PRKD1: variants seen among roughly 807,000 people sequenced by gnomAD.
PRKD1 encodes the protein serine/threonine-protein kinase D1.
PRKD1 carries 63 observed loss-of-function variants against 95.9 expected under a neutral mutation model. The observed-to-expected ratio is 0.66, with a 90% CI of 0.54 to 0.81. PRKD1 has a LOEUF of 0.81. Ranked by LOEUF, PRKD1 falls within the 30% of genes least tolerant of loss-of-function variation. The pLI is 0.00. For synonymous variants in PRKD1, 425 were observed against 423.1 expected, an observed-to-expected ratio of 1.00 and a Z score of -0.05; for missense variants, 1,048 against 1,165.3, an observed-to-expected ratio of 0.90 and a Z score of 1.47.
At chr14:29,680,238 C>T (rs1381300777) in intron 2 of PRKD1, among the ~76,000 whole-genome samples, 1 of 151,994 alleles carries the variant, frequency 6.6e-6, no homozygotes, top group Admixed American at 6.6e-5. Context: ...AAATAATAAC[C>T]CCCATTGTAC....
intron 2 of PRKD1, among the ~76,000 whole-genome samples, chr14:29,704,446 A>T (rs1174094149): frequency 6.6e-6 from 1 of 152,152 alleles, no homozygotes; most frequent in Non-Finnish European, 1.5e-5. Context: ...ACAACACATT[A>T]CTATCCTACT....
At chr14:29,912,092 C>T (rs889293567) in intron 1 of PRKD1, among the ~76,000 whole-genome samples, 6 of 152,128 alleles carry the variant, frequency 3.9e-5, no homozygotes, top group African/African-American at 1.4e-4. Context: ...CCTGTCTGAC[C>T]TAGTTAGGAG....
intron 1 of PRKD1, among the ~76,000 whole-genome samples, chr14:29,829,537 C>A (rs11626450): frequency 6.6e-6 from 1 of 152,116 alleles, no homozygotes; most frequent in South Asian, 2.1e-4. Flanking sequence ...AATGAAATTT[C>A]TAATGCAGAG....
chr14:29,662,114 C>T (rs1050738378), intron 4 of PRKD1, among the ~76,000 whole-genome samples: 21 of 151,824 alleles, frequency 1.4e-4, no homozygotes, highest in Admixed American at 1.3e-3. Flanking sequence ...CACAAAAATC[C>T]GTGTTAAATT....
rs61979991 is a variant in PRKD1 at position 29,927,839 on chromosome 14, C to G, written c.-327G>C. ...CTGCCGCCTGGCGCGCTCGGAAGGA[C>G]GGGGCGACGGGTCGGCGCGGCCCGA... is the stretch of plus-strand genomic sequence containing the variant. On this transcript the variant is annotated 5_prime_UTR_variant, in exon 1 of 18. Transcript: ENST00000331968. 0.095 allele frequency: 12,504 copies of G among 131,134 alleles called. 605 individuals carry two copies. Among genetic ancestry groups the G allele is most frequent in the Non-Finnish European group, 0.12 (7,372 of 63,704 alleles). 8.1% of individuals were successfully genotyped at this position (131,134 alleles called of 1,614,324 possible). A position where few individuals can be genotyped will look rare whatever the true frequency, so the allele number is the denominator to read the frequency against.
rs1238798173 is a variant in PRKD1, at chr14:29,826,824, TATATATATATATATACACAC to T, written c.264+100405_264+100424del. On this transcript the variant is annotated intron_variant, in intron 1 of 17. Coordinates refer to ENST00000331968, the MANE Select transcript of PRKD1 (RefSeq NM_002742.3). ...ATACACATATATATACACATATATA[TATATATATATATATACACAC>T]ATATATATATATATATATATATATA... is the stretch of plus-strand genomic sequence containing the variant. Among the ~76,000 whole-genome samples the T allele has an allele frequency of 7.7e-3, 224 of 29,154 alleles. 24 individuals are homozygous for T. The highest frequency in any genetic ancestry group is 0.036 in the Admixed American group (74 of 2,032). The allele number at this position is 29,154 out of a possible 152,430, so 19.1% of individuals were successfully genotyped here.
rs201650185 is a variant in PRKD1, at chr14:29,666,081, A to G, written c.531T>C (p.Cys177=). 13 of 1,580,684 alleles carry G rather than the reference A, an allele frequency of 8.2e-6. No individual in the cohort carries two copies. The highest frequency in any genetic ancestry group is 1.1e-5 in the Non-Finnish European group (13 of 1,157,400). The change falls in exon 3 of 18, where the codon TGT becomes TGC. Residue 177 remains cysteine, a synonymous_variant. Coordinates refer to ENST00000331968, the MANE Select transcript of PRKD1 (RefSeq NM_002742.3). The part of the protein sequence containing the change: ...LWGLVRQGLK[C]EGCGLNYHKR... The stretch of plus-strand genomic sequence containing the variant: ...CATGGGAAGAAAATAACTTACCTTC[A>G]CATTTAAGACCTTGACGTACCAGCC...
At chr14:29,768,172 A>G (rs1202787059) in intron 1 of PRKD1, among the ~76,000 whole-genome samples, 1 of 152,214 alleles carries the variant, frequency 6.6e-6, no homozygotes, top group Non-Finnish European at 1.5e-5. Context: ...GGTTAATTTC[A>G]CAACTATAAG....
chr14:29,917,336 T>C (rs1359033650), intron 1 of PRKD1, among the ~76,000 whole-genome samples: 1 of 152,204 alleles, frequency 6.6e-6, no homozygotes, highest in Admixed American at 6.5e-5. Context: ...TTTAAAAACT[T>C]TTATTAACAC....
intron 2 of PRKD1, among the ~76,000 whole-genome samples, chr14:29,683,266 C>T (rs750394786): frequency 1.3e-5 from 2 of 151,992 alleles, no homozygotes; most frequent in Non-Finnish European, 2.9e-5. Flanking sequence ...ATTAATATGG[C>T]GAGAATTGAA....
chr14:29,645,962 TAC>T (rs1566510437), intron 4 of PRKD1, among the ~76,000 whole-genome samples: 1 of 152,196 alleles, frequency 6.6e-6, no homozygotes, highest in Non-Finnish European at 1.5e-5. Context: ...ACTGGATTTT[TAC>T]TGTCTCCCTT....
At chr14:29,851,667 A>G (rs1364474224) in intron 1 of PRKD1, among the ~76,000 whole-genome samples, 2 of 152,220 alleles carry the variant, frequency 1.3e-5, no homozygotes, top group African/African-American at 4.8e-5. Flanking sequence ...TGTGGAAAGC[A>G]GTTTGGAGAC....
At chr14:29,766,560 T>C (rs1168318290) in intron 1 of PRKD1, among the ~76,000 whole-genome samples, 1 of 152,236 alleles carries the variant, frequency 6.6e-6, no homozygotes. Context: ...ATCAATGCCA[T>C]GGTCACATAA....
intron 1 of PRKD1, among the ~76,000 whole-genome samples, chr14:29,898,310 T>C (rs529172458): frequency 2.0e-5 from 3 of 152,132 alleles, no homozygotes; most frequent in Non-Finnish European, 4.4e-5. Flanking sequence ...TTAAAAAGAA[T>C]ACTTTTTTTA....
At chr14:29,747,868 C>T (rs1278517492) in intron 1 of PRKD1, among the ~76,000 whole-genome samples, 1 of 151,980 alleles carries the variant, frequency 6.6e-6, no homozygotes, top group African/African-American at 2.4e-5. Flanking sequence ...CTCTGCCTAC[C>T]GAGCAGCTGG....
intron 4 of PRKD1, 81 bp from the exon 5 acceptor site, chr14:29,638,985 T>C: frequency 9.5e-7 from 1 of 1,052,864 alleles, no homozygotes; most frequent in Non-Finnish European, 1.4e-6. Flanking sequence ...AGATACCGGT[T>C]TACTCTTGTA....
chr14:29,802,231 T>C (rs1012589969), intron 1 of PRKD1, among the ~76,000 whole-genome samples: 1 of 151,704 alleles, frequency 6.6e-6, no homozygotes, highest in African/African-American at 2.4e-5. Flanking sequence ...GAATAAGTAA[T>C]AGTCCCAGCT....
chr14:29,582,088 C>A (rs1892774111), intron 16 of PRKD1, among the ~76,000 whole-genome samples: 1 of 151,904 alleles, frequency 6.6e-6, no homozygotes, highest in Non-Finnish European at 1.5e-5. Flanking sequence ...CTCATTCTAC[C>A]AATCTGGTAA....
chr14:29,771,895 T>G (rs977603014), intron 1 of PRKD1, among the ~76,000 whole-genome samples: 1 of 152,252 alleles, frequency 6.6e-6, no homozygotes, highest in Non-Finnish European at 1.5e-5. Flanking sequence ...TATTGCAACT[T>G]GTACTCTTTT....
Sources: gnomAD v4.1 joint callset for allele counts (sites outside exome capture counted in the v4.1 genomes callset) on GRCh38, gnomAD v4.1.1 for gene constraint, MANE v1.5 for transcripts, NCBI Gene and HGNC (gene_info 2026-07-23, HGNC 2026-07-21) for gene names.